PCARE: variants seen among roughly 807,000 people sequenced by gnomAD.
The protein encoded by PCARE is photoreceptor cilium actin regulator.
PCARE carries 72 observed loss-of-function variants against 82.2 expected under a neutral mutation model. That is an observed-to-expected ratio of 0.88 (90% CI 0.72 to 1.07). The LOEUF (loss-of-function observed/expected upper bound fraction) is 1.07, where lower values mean the gene tolerates loss of function less well. PCARE is among the 50% of genes least tolerant of loss of function. The probability of loss-of-function intolerance (pLI) is 0.00; values close to 1 mark genes in which losing one functional copy is unlikely to be tolerated. For synonymous variants in PCARE, 705 were observed against 634.8 expected, an observed-to-expected ratio of 1.11 and a Z score of -1.66; for missense variants, 1,768 against 1,592.4, an observed-to-expected ratio of 1.11 and a Z score of -1.88.
In PCARE at chr2:29,071,682, C is replaced by T. The variant is rs1248007781; in HGVS notation, c.2580G>A (p.Lys860=). ...ESSKSTENSP[K]ETQEPGPGEA... The stretch of plus-strand genomic sequence containing the variant: ...CTCCCGGCCCTGGCTCCTGGGTTTC[C>T]TTGGGGGAGTTCTCTGTGGACTTGC... The change falls in exon 1 of 2, where the codon AAG becomes AAA. Residue 860 remains lysine, a synonymous_variant. Coordinates refer to ENST00000331664, the MANE Select transcript of PCARE (RefSeq NM_001029883.3). The T allele has an allele frequency of 9.3e-6, 15 of 1,614,076 alleles. No homozygotes were observed. Among genetic ancestry groups the T allele is most frequent in the South Asian group, 1.1e-5 (1 of 91,076 alleles).
At position 29,073,079 on chromosome 2, in the gene PCARE, G is replaced by A; in HGVS notation, c.1183C>T (p.His395Tyr). 1 of 1,614,140 alleles carries A rather than the reference G, an allele frequency of 6.2e-7. No individual in the cohort carries two copies. Among genetic ancestry groups the A allele is most frequent in the Non-Finnish European group, 8.5e-7 (1 of 1,180,000 alleles). Residue 395 changes from histidine to tyrosine, a missense_variant, in exon 1 of 2, where the codon CAC becomes TAC. Coordinates refer to ENST00000331664, the MANE Select transcript of PCARE (RefSeq NM_001029883.3). Reference protein sequence around the residue: ...SPHTEARQSGHTWQQSPFCLG... With the variant: ...SPHTEARQSGYTWQQSPFCLG... ...CAGAATGGACTTTGCTGCCAGGTGTGTCCTGACTGCCTGGCCTCTGTGTGG... is the reference window on the plus strand; with the variant it reads ...CAGAATGGACTTTGCTGCCAGGTGTATCCTGACTGCCTGGCCTCTGTGTGG...
rs1291669252 is a variant in PCARE, at chr2:29,072,254, G to A, written c.2008C>T (p.Leu670Phe). Residue 670 changes from leucine (L) to phenylalanine (F), a missense_variant, in exon 1 of 2, where the codon CTC (leucine) becomes TTC (phenylalanine). By Grantham distance (22) the Leu-to-Phe change is conservative. Coordinates refer to ENST00000331664, the MANE Select transcript of PCARE (RefSeq NM_001029883.3). Reference protein sequence around the residue: ...SNTTSRLKASLTKNFSILPSQ... With the variant: ...SNTTSRLKASFTKNFSILPSQ... ...GGCAAAATACTGAAGTTCTTGGTGA[G>A]GGATGCCTTGAGCCTGCTGGTGGTG... 1 of 1,614,240 alleles carries A rather than the reference G, an allele frequency of 6.2e-7. No homozygotes were observed. Among genetic ancestry groups the A allele is most frequent in the Non-Finnish European group, 8.5e-7 (1 of 1,180,046 alleles).
chr2:29,068,469 T>C (rs533822152), intron 1 of PCARE, among the ~76,000 whole-genome samples: 1 of 152,354 alleles, frequency 6.6e-6, no homozygotes, highest in East Asian at 1.9e-4. Flanking sequence ...GGACCGATGT[T>C]AGTTGAGCTT....
In PCARE at chr2:29,073,220, CAG is replaced by C. The variant is rs1667524759; in HGVS notation, c.1040_1041del (p.Ser347Ter). 4 of 1,614,056 alleles carry C rather than the reference CAG, an allele frequency of 2.5e-6. No homozygotes were observed. The African/African-American group carries it at 5.3e-5, about 22-fold the overall frequency. ...TTGTCAGCACCAATGCCACTGTCCTCAGAGCATAAGGGGAGACCCTGCACCCC... is the reference window on the plus strand; with the variant it reads ...TTGTCAGCACCAATGCCACTGTCCTCAGCATAAGGGGAGACCCTGCACCCC... Reference protein sequence around the residue: ...DPGVQGLPLCSEDSGIGADNE... With the variant: ...DPGVQGLPLCXEDSGIGADNE... On this transcript the variant is annotated frameshift_variant, in exon 1 of 2. Transcript: ENST00000331664. LOFTEE classifies it high-confidence loss of function.
In PCARE at chr2:29,073,587, G is replaced by T. The variant is rs770632019; in HGVS notation, c.675C>A (p.Cys225Ter). The T allele has an allele frequency of 6.2e-7, 1 of 1,614,194 alleles. No homozygotes were observed. The highest frequency in any genetic ancestry group is 8.5e-7 in the Non-Finnish European group (1 of 1,180,034). The change falls in exon 1 of 2, where the codon TGC (cysteine) becomes TGA (stop). Residue 225 changes from cysteine to a stop codon, truncating the protein, a stop_gained. Transcript: ENST00000331664. LOFTEE classifies it high-confidence loss of function. ...LQPMVSFLLL[C>*]FEEISQLLGE... Reference sequence around the variant, plus strand: ...CCAACAGCTGGCTGATCTCCTCAAAGCACAGCAGCAAGAAGCTGACCATGG... The same window carrying T: ...CCAACAGCTGGCTGATCTCCTCAAATCACAGCAGCAAGAAGCTGACCATGG...
rs781539495 is a variant in PCARE at position 29,073,228 on chromosome 2, A to G, written c.1034T>C (p.Leu345Ser). Residue 345 changes from leucine to serine, a missense_variant, in exon 1 of 2, where the codon TTA (leucine) becomes TCA (serine). By Grantham distance (145) the Leu-to-Ser change is moderately radical. Coordinates refer to ENST00000331664, the MANE Select transcript of PCARE (RefSeq NM_001029883.3). ...ACCAATGCCACTGTCCTCAGAGCAT[A>G]AGGGGAGACCCTGCACCCCAGGGTC... The part of the protein sequence containing the change: ...CGDPGVQGLP[L>S]CSEDSGIGAD... 3 of 1,614,120 alleles carry G rather than the reference A, an allele frequency of 1.9e-6. No homozygotes were observed. In the Admixed American group the frequency reaches 5.0e-5, roughly 27 times the overall value.
chr2:29,070,578 C>T lies in PCARE; in HGVS notation c.3668+16G>A, dbSNP rs1558487385. 1.2e-6 allele frequency: 2 copies of T among 1,613,806 alleles called. No homozygotes were observed. Among genetic ancestry groups the T allele is most frequent in the East Asian group, 2.2e-5 (1 of 44,876 alleles). ...TCCAAGCCGCTGAAGGGCAGTGACC[C>T]CAGGACACTCCTTACCTGTTCTGGC... On this transcript the variant is annotated intron_variant, in intron 1 of 1. Transcript: ENST00000331664.
rs1254088732 is a variant in PCARE at position 29,072,147 on chromosome 2, G to A, written c.2115C>T (p.Ala705=). The change falls in exon 1 of 2, where the codon GCC becomes GCT. Residue 705 remains alanine (A), a synonymous_variant. Coordinates refer to ENST00000331664, the MANE Select transcript of PCARE (RefSeq NM_001029883.3). ...CCTCACTGACCTCTCCTGATGGGAT[G>A]GCATTTGGAAGCTTCCCAGCTTTGC... The part of the protein sequence containing the change: ...EQGKAGKLPN[A]IPSGEVSEAA... 1.9e-6 allele frequency: 3 copies of A among 1,614,222 alleles called. No homozygotes were observed. The highest frequency in any genetic ancestry group is 1.7e-6 in the Non-Finnish European group (2 of 1,180,036).
In PCARE at chr2:29,071,661, C is replaced by G. The variant is rs201689311; in HGVS notation, c.2601G>C (p.Pro867=). The change falls in exon 1 of 2, where the codon CCG becomes CCC. Residue 867 remains proline, a synonymous_variant. Transcript: ENST00000331664. The part of the protein sequence containing the change: ...NSPKETQEPG[P]GEAGPTRRTW... ...TTCTCCTGGTGGGGCCAGCCTCTCCCGGCCCTGGCTCCTGGGTTTCCTTGG... is the reference window on the plus strand; with the variant it reads ...TTCTCCTGGTGGGGCCAGCCTCTCCGGGCCCTGGCTCCTGGGTTTCCTTGG... 1.2e-6 allele frequency: 2 copies of G among 1,613,982 alleles called. No homozygotes were observed. The highest frequency in any genetic ancestry group is 2.7e-5 in the African/African-American group (2 of 75,050).
rs1348553609 is a variant in PCARE, at chr2:29,061,974, A to G, written c.*2895T>C. ...TGACCAGATGCCACAAAACTGTTCC[A>G]TTGTGGATTTAATTCCTTTTGTACA... On this transcript the variant is annotated 3_prime_UTR_variant, in exon 2 of 2. Coordinates refer to ENST00000331664, the MANE Select transcript of PCARE (RefSeq NM_001029883.3). 3.9e-5 allele frequency: 6 copies of G among 152,370 alleles called. No homozygotes were observed. Among genetic ancestry groups the G allele is most frequent in the South Asian group, 4.1e-4 (2 of 4,828 alleles). The allele number at this position is 152,370 out of a possible 1,614,324, so 9.4% of individuals were successfully genotyped here.
Position 29,071,657 on chromosome 2 carries a change from C to T in PCARE, c.2605G>A (p.Glu869Lys). Residue 869 changes from glutamate (E) to lysine (K), a missense_variant, in exon 1 of 2, where the codon GAG (glutamate) becomes AAG (lysine). By Grantham distance (56) the Glu-to-Lys change is moderately conservative (BLOSUM62 1). Coordinates refer to ENST00000331664, the MANE Select transcript of PCARE (RefSeq NM_001029883.3). The stretch of plus-strand genomic sequence containing the variant: ...CATGTTCTCCTGGTGGGGCCAGCCT[C>T]TCCCGGCCCTGGCTCCTGGGTTTCC... The part of the protein sequence containing the change: ...PKETQEPGPG[E>K]AGPTRRTWAS... The T allele has an allele frequency of 1.2e-6, 2 of 1,614,018 alleles. No homozygotes were observed. The highest frequency in any genetic ancestry group is 1.7e-6 in the Non-Finnish European group (2 of 1,179,942).
At chr2:29,070,246 G>T (rs1417775666) in intron 1 of PCARE, among the ~76,000 whole-genome samples, 1 of 152,072 alleles carries the variant, frequency 6.6e-6, no homozygotes, top group African/African-American at 2.4e-5. Flanking sequence ...TTAGGTATTT[G>T]TCCTAAGGCT....
At chr2:29,069,417 C>T (rs1170507052) in intron 1 of PCARE, among the ~76,000 whole-genome samples, 1 of 152,134 alleles carries the variant, frequency 6.6e-6, no homozygotes, top group African/African-American at 2.4e-5. Context: ...GAGCTAGAGG[C>T]CATTAATTAT....
At chr2:29,066,261 A>C (rs1040416160) in intron 1 of PCARE, among the ~76,000 whole-genome samples, 1 of 152,222 alleles carries the variant, frequency 6.6e-6, no homozygotes, top group Non-Finnish European at 1.5e-5. Flanking sequence ...CTATTGTATT[A>C]ATAGCATAAG....
At position 29,062,010 on chromosome 2, in the gene PCARE, C is replaced by G. The variant is rs2148411285; in HGVS notation, c.*2859G>C. On this transcript the variant is annotated 3_prime_UTR_variant, in exon 2 of 2. Transcript: ENST00000331664. ...AATTCCTTTTGTACAAAGTCTAATT[C>G]ACATGTAATTTGAGCTAAGTCTGGT... The G allele has an allele frequency of 6.6e-6, 1 of 152,342 alleles. No homozygotes were observed. Among genetic ancestry groups the G allele is most frequent in the African/African-American group, 2.4e-5 (1 of 41,568 alleles). The allele number at this position is 152,342 out of a possible 1,614,324, so 9.4% of individuals were successfully genotyped here.
Position 29,064,901 on chromosome 2 carries a change from C to G in PCARE, c.3835G>C (p.Glu1279Gln), listed in dbSNP as rs748471967. Residue 1279 changes from glutamate to glutamine, a missense_variant, in exon 2 of 2, where the codon GAG becomes CAG. By Grantham distance (29) the Glu-to-Gln change is conservative. Coordinates refer to ENST00000331664, the MANE Select transcript of PCARE (RefSeq NM_001029883.3). ...ACCTCCTCTTGCTGGGGCTGCGCCT[C>G]TGGCTGGGATTTGTCCTGGATGTGG... ...TGHIQDKSQP[E>Q]AQPQQEEVS The G allele has an allele frequency of 1.9e-6, 3 of 1,611,932 alleles. No individual in the cohort carries two copies. The Admixed American group carries it at 5.0e-5, about 27-fold the overall frequency.
At position 29,064,868 on chromosome 2, in the gene PCARE, G is replaced by C. The variant is rs1667368038; in HGVS notation, c.*1C>G. On this transcript the variant is annotated 3_prime_UTR_variant, in exon 2 of 2. Transcript: ENST00000331664. ...GTGAGTGTGGCCCCCTCGTCAGCCT[G>C]TCAGGACACCTCCTCTTGCTGGGGC... 1.9e-6 allele frequency: 3 copies of C among 1,611,024 alleles called. No homozygotes were observed. Among genetic ancestry groups the C allele is most frequent in the Non-Finnish European group, 2.5e-6 (3 of 1,179,946 alleles).
Position 29,062,263 on chromosome 2 carries a change from C to G in PCARE, c.*2606G>C, listed in dbSNP as rs535177087. The stretch of plus-strand genomic sequence containing the variant: ...CCCGGCTGCCTGGGTCTGGTGGCAG[C>G]TGGGGGCTTTTATGACATCGTGTGT... On this transcript the variant is annotated 3_prime_UTR_variant, in exon 2 of 2. Transcript: ENST00000331664. The G allele has an allele frequency of 3.9e-5, 6 of 152,398 alleles. No homozygotes were observed. The East Asian group carries it at 1.2e-3, about 29-fold the overall frequency. 9.4% of individuals were successfully genotyped at this position (152,398 alleles called of 1,614,324 possible).
In PCARE at chr2:29,070,981, G is replaced by A; in HGVS notation, c.3281C>T (p.Ser1094Phe). 2 of 1,590,156 alleles carry A rather than the reference G, an allele frequency of 1.3e-6. No individual in the cohort carries two copies. Among genetic ancestry groups the A allele is most frequent in the South Asian group, 2.2e-5 (2 of 90,664 alleles). ...TGTTTCCTTGTGCTCCTGAGAAGGG[G>A]ACATTGGGGGTGATGGGGAGGGAAT... ...FSIPSPSPPM[S>F]PSQEHKETRD... The change falls in exon 1 of 2, where the codon TCC becomes TTC. Residue 1094 changes from serine to phenylalanine, a missense_variant. Transcript: ENST00000331664.
Sources: allele counts gnomAD v4.1 joint callset (sites outside exome capture counted in the v4.1 genomes callset), GRCh38; gene constraint gnomAD v4.1.1; transcripts MANE v1.5; gene names NCBI Gene and HGNC (gene_info 2026-07-23, HGNC 2026-07-21).